SLC7A6OS: variants seen among roughly 807,000 people sequenced by gnomAD.
SLC7A6OS encodes the protein probable RNA polymerase II nuclear localization protein SLC7A6OS.
SLC7A6OS carries 22 observed loss-of-function variants against 34.3 expected under a neutral mutation model. That is an observed-to-expected ratio of 0.64 (90% CI 0.46 to 0.92). The LOEUF (loss-of-function observed/expected upper bound fraction) is 0.92. SLC7A6OS is among the 40% of genes least tolerant of loss of function. The pLI is 0.00. For synonymous variants in SLC7A6OS, 199 were observed against 165.0 expected, an observed-to-expected ratio of 1.21 and a Z score of -1.58; for missense variants, 434 against 407.7, an observed-to-expected ratio of 1.06 and a Z score of -0.56.
At position 68,300,571 on chromosome 16, in the gene SLC7A6OS, G is replaced by A. The variant is rs973393245; in HGVS notation, c.*704C>T. 2 of 961,796 alleles carry A rather than the reference G, an allele frequency of 2.1e-6. No individual in the cohort carries two copies. Among genetic ancestry groups the A allele is most frequent in the South Asian group, 4.8e-5 (1 of 20,626 alleles). The allele number at this position is 961,796 out of a possible 1,614,324, so 59.6% of individuals were successfully genotyped here. A position where few individuals can be genotyped will look rare whatever the true frequency, so the allele number is the denominator to read the frequency against. On this transcript the variant is annotated 3_prime_UTR_variant, in exon 5 of 5. Transcript: ENST00000263997. ...ACCTTCTATTTCACTACCGCTCCCT[G>A]TTTTAGATATTCAGATTTAAAAGGT...
chr16:68,307,244 T>C (rs1218450388), intron 2 of SLC7A6OS, among the ~76,000 whole-genome samples: 1 of 152,156 alleles, frequency 6.6e-6, no homozygotes, highest in African/African-American at 2.4e-5. Flanking sequence ...TAAAAGAAAA[T>C]ATAACAAGTA....
At chr16:68,306,093 G>A (rs530764242) in intron 2 of SLC7A6OS, among the ~76,000 whole-genome samples, 1 of 152,262 alleles carries the variant, frequency 6.6e-6, no homozygotes, top group African/African-American at 2.4e-5. Context: ...AAAAATGACA[G>A]ATACAGAATT....
At chr16:68,303,758 T>A in intron 3 of SLC7A6OS, 1 of 407,686 alleles carries the variant, frequency 2.5e-6, no homozygotes, top group Non-Finnish European at 4.4e-6. Context: ...CCCCTAAGAA[T>A]GGATAGCTAT....
rs2043499898 is a variant in SLC7A6OS, at chr16:68,310,798, C to T, written c.129G>A (p.Ser43=). Residue 43 remains serine (S), a synonymous_variant, in exon 1 of 5, where the codon TCG becomes TCA. Transcript: ENST00000263997. The part of the protein sequence containing the change: ...DAVESAAQKT[S]EGLERAAENN... Reference sequence around the variant, plus strand: ...TCTCCGCCGCTCTCTCCAAACCCTCCGACGTCTTCTGTGCCGCTGACTCGA... The same window carrying T: ...TCTCCGCCGCTCTCTCCAAACCCTCTGACGTCTTCTGTGCCGCTGACTCGA... The T allele has an allele frequency of 6.2e-7, 1 of 1,613,846 alleles. No individual in the cohort carries two copies. Among genetic ancestry groups the T allele is most frequent in the Non-Finnish European group, 8.5e-7 (1 of 1,179,912 alleles).
intron 2 of SLC7A6OS, 145 bp downstream of exon 2, chr16:68,310,190 G>A (rs929396165): frequency 4.3e-6 from 4 of 922,938 alleles, no homozygotes; most frequent in Non-Finnish European, 4.8e-6. Flanking sequence ...ACACATGTTG[G>A]ATGAACAACC....
At chr16:68,304,440 C>A (rs2043311789) in intron 2 of SLC7A6OS, among the ~76,000 whole-genome samples, 1 of 152,184 alleles carries the variant, frequency 6.6e-6, no homozygotes, top group Non-Finnish European at 1.5e-5. Flanking sequence ...CCTACCTCAG[C>A]CTCCCAAGTA....
intron 2 of SLC7A6OS, among the ~76,000 whole-genome samples, chr16:68,308,172 G>A (rs576979938): frequency 6.6e-6 from 1 of 151,942 alleles, no homozygotes; most frequent in Non-Finnish European, 1.5e-5. Flanking sequence ...AAAGTGCTGG[G>A]ATTACAGGCA....
Position 68,300,990 on chromosome 16 carries a change from A to G in SLC7A6OS, c.*285T>C. 6 of 1,055,510 alleles carry G rather than the reference A, an allele frequency of 5.7e-6. No individual in the cohort carries two copies. The highest frequency in any genetic ancestry group is 6.8e-6 in the Non-Finnish European group (6 of 876,004). 65.4% of individuals were successfully genotyped at this position (1,055,510 alleles called of 1,614,324 possible). ...GAATGCCAGGAAAAATTCCTGGGCCAAGAAGCTAAAGCTAAAGAAACCTTC... is the reference window on the plus strand; with the variant it reads ...GAATGCCAGGAAAAATTCCTGGGCCGAGAAGCTAAAGCTAAAGAAACCTTC... On this transcript the variant is annotated 3_prime_UTR_variant, in exon 5 of 5. Transcript: ENST00000263997.
At chr16:68,309,319 G>GCA in intron 2 of SLC7A6OS, among the ~76,000 whole-genome samples, 1 of 152,170 alleles carries the variant, frequency 6.6e-6, no homozygotes, top group Non-Finnish European at 1.5e-5. Flanking sequence ...CTGGCCTCAA[G>GCA]CGACCCTCCT....
At chr16:68,307,085 T>C (rs1343179350) in intron 2 of SLC7A6OS, among the ~76,000 whole-genome samples, 1 of 152,226 alleles carries the variant, frequency 6.6e-6, no homozygotes, top group African/African-American at 2.4e-5. Context: ...TTCATGGTTA[T>C]CAGTTCTAAG....
At position 68,310,921 on chromosome 16, in the gene SLC7A6OS, C is replaced by A; in HGVS notation, c.6G>T (p.Glu2Asp). M[E>D]AARTAVLRVK... The stretch of plus-strand genomic sequence containing the variant: ...CCCGGAGTACAGCGGTCCTGGCGGC[C>A]TCCATAGTGGCTGCCGCTGAGCACT... The change falls in exon 1 of 5, where the codon GAG becomes GAT. Residue 2 changes from glutamate to aspartate, a missense_variant. Glu to Asp is a conservative substitution (Grantham distance 45). Transcript: ENST00000263997. 1.9e-6 allele frequency: 3 copies of A among 1,581,552 alleles called. No homozygotes were observed. Among genetic ancestry groups the A allele is most frequent in the Admixed American group, 1.8e-5 (1 of 56,042 alleles).
chr16:68,304,144 C>A lies in SLC7A6OS; in HGVS notation c.560G>T (p.Arg187Leu), dbSNP rs770051890. ...GTCATCGTGTTTTTGTTCTTCCTGGCGCCTGACTCCTGGTCCATCCTCAGA... is the reference window on the plus strand; with the variant it reads ...GTCATCGTGTTTTTGTTCTTCCTGGAGCCTGACTCCTGGTCCATCCTCAGA... Reference protein sequence around the residue: ...TVSEDGPGVRRQEEQKHDDYV... With the variant: ...TVSEDGPGVRLQEEQKHDDYV... Residue 187 changes from arginine (R) to leucine (L), a missense_variant, in exon 3 of 5, where the codon CGC (arginine) becomes CTC (leucine). Arg to Leu is a moderately radical substitution (Grantham distance 102). Transcript: ENST00000263997. 1.2e-6 allele frequency: 2 copies of A among 1,614,126 alleles called. No homozygotes were observed. The highest frequency in any genetic ancestry group is 8.5e-7 in the Non-Finnish European group (1 of 1,180,022).
intron 4 of SLC7A6OS, 177 bp downstream of exon 4, chr16:68,302,204 C>G: frequency 7.5e-6 from 5 of 664,838 alleles, no homozygotes; most frequent in South Asian, 3.7e-5. Context: ...TATTACACCC[C>G]CAGGAGGCCC....
At chr16:68,307,976 A>T (rs908304493) in intron 2 of SLC7A6OS, among the ~76,000 whole-genome samples, 14 of 152,174 alleles carry the variant, frequency 9.2e-5, no homozygotes. Flanking sequence ...ATCTTGGCTC[A>T]CTGCAACCTC....
intron 2 of SLC7A6OS, among the ~76,000 whole-genome samples, chr16:68,310,045 G>C (rs74981701): frequency 6.6e-6 from 1 of 152,052 alleles, no homozygotes; most frequent in Non-Finnish European, 1.5e-5. Flanking sequence ...TTGTCTCCCC[G>C]CCTCCTTACA....
At chr16:68,306,025 A>C (rs2043323545) in intron 2 of SLC7A6OS, among the ~76,000 whole-genome samples, 1 of 152,202 alleles carries the variant, frequency 6.6e-6, no homozygotes, top group African/African-American at 2.4e-5. Context: ...ACTGCACTCC[A>C]GCCTGGGCAA....
rs1459009004 is a variant in SLC7A6OS, at chr16:68,298,828, C to T, written c.*2447G>A. 6.6e-6 allele frequency: 1 copy of T among 152,548 alleles called. No individual in the cohort carries two copies. The highest frequency in any genetic ancestry group is 1.5e-5 in the Non-Finnish European group (1 of 68,130). 9.4% of individuals were successfully genotyped at this position (152,548 alleles called of 1,614,324 possible). On this transcript the variant is annotated 3_prime_UTR_variant, in exon 5 of 5. Transcript: ENST00000263997. ...TTGTACAACTGTTTTGTGATGCCCC[C>T]AGACACTGTCATCCTGGGCCGAGAA...
chr16:68,300,780 C>G lies in SLC7A6OS; in HGVS notation c.*495G>C, dbSNP rs2043256271. 3 of 985,436 alleles carry G rather than the reference C, an allele frequency of 3.0e-6. No homozygotes were observed. Among genetic ancestry groups the G allele is most frequent in the Non-Finnish European group, 3.6e-6 (3 of 830,050 alleles). 61.0% of individuals were successfully genotyped at this position (985,436 alleles called of 1,614,324 possible). ...AATCTCCCACTGCTCAGACTACTTT[C>G]TGCCCTAATGGCCATTACTATCCAG... On this transcript the variant is annotated 3_prime_UTR_variant, in exon 5 of 5. Coordinates refer to ENST00000263997, the MANE Select transcript of SLC7A6OS (RefSeq NM_032178.3).
In SLC7A6OS at chr16:68,304,013, T is replaced by C. The variant is rs1230457490; in HGVS notation, c.678+13A>G. 3 of 1,612,122 alleles carry C rather than the reference T, an allele frequency of 1.9e-6. No individual in the cohort carries two copies. The highest frequency in any genetic ancestry group is 2.2e-5 in the East Asian group (1 of 44,880). Reference sequence around the variant, plus strand: ...GGATGCCTCATGCCCCGTCTGCTCATGGGCCCCCTTACCAGCTCCCATTCT... The same window carrying C: ...GGATGCCTCATGCCCCGTCTGCTCACGGGCCCCCTTACCAGCTCCCATTCT... On this transcript the variant is annotated intron_variant, in intron 3 of 4. Transcript: ENST00000263997.
Sources: gnomAD v4.1 joint callset for allele counts (sites outside exome capture counted in the v4.1 genomes callset) on GRCh38, gnomAD v4.1.1 for gene constraint, MANE v1.5 for transcripts, NCBI Gene and HGNC (gene_info 2026-07-23, HGNC 2026-07-21) for gene names.